AGAP3: variants seen among roughly 807,000 people sequenced by gnomAD.
AGAP3 encodes arf-GAP with GTPase, ANK repeat and PH domain-containing protein 3.
Under a neutral mutation model 96.9 loss-of-function variants are expected in AGAP3, and 24 were observed. The ratio of observed to expected loss-of-function variants is 0.25; its 90% CI spans 0.18 to 0.35. The LOEUF is 0.35. AGAP3 is among the 10% of genes least tolerant of loss of function. The probability of loss-of-function intolerance (pLI) is 1.00; values close to 1 mark genes in which losing one functional copy is unlikely to be tolerated. For missense variants in AGAP3, 876 were observed against 1,254.2 expected, an observed-to-expected ratio of 0.70 and a Z score of 4.55; for synonymous variants, 563 against 536.1, an observed-to-expected ratio of 1.05 and a Z score of -0.69.
chr7:151,093,972 C>G (rs1798499091), intron 1 of AGAP3, among the ~76,000 whole-genome samples: 1 of 152,122 alleles, frequency 6.6e-6, no homozygotes, highest in African/African-American at 2.4e-5. Context: ...AGCTGGGGTC[C>G]CTGAGATCTG....
chr7:151,111,570 A>AC (rs1240713007), intron 1 of AGAP3, among the ~76,000 whole-genome samples: 4 of 146,236 alleles, frequency 2.7e-5, no homozygotes, highest in Admixed American at 6.8e-5. Context: ...CCCCGTCATG[A>AC]CCCCCCCGGC....
chr7:151,122,491 G>C (rs942192162), intron 8 of AGAP3, among the ~76,000 whole-genome samples: 77 of 151,448 alleles, frequency 5.1e-4, no homozygotes, highest in African/African-American at 1.9e-3. Flanking sequence ...CTGCCCAGCA[G>C]GTGCCGCTGC....
intron 1 of AGAP3, among the ~76,000 whole-genome samples, chr7:151,091,729 G>A (rs1033399869): frequency 2.0e-5 from 3 of 152,220 alleles, no homozygotes; most frequent in Non-Finnish European, 2.9e-5. Flanking sequence ...GCATGGCCTC[G>A]TGGGAACCCC....
intron 1 of AGAP3, chr7:151,090,194 G>A (rs1175042730): frequency 6.6e-6 from 1 of 152,020 alleles, no homozygotes; most frequent in Non-Finnish European, 1.5e-5. Flanking sequence ...GGAGGAGCAG[G>A]GGCTTGGGGA....
At chr7:151,120,677 G>A in intron 8 of AGAP3, 1 of 1,266,510 alleles carries the variant, frequency 7.9e-7, no homozygotes, top group South Asian at 1.3e-5. Context: ...CCACCGCTGT[G>A]ATTGGTTTAA....
chr7:151,099,223 GT>G (rs1195279426), intron 1 of AGAP3, among the ~76,000 whole-genome samples: 1 of 151,388 alleles, frequency 6.6e-6, no homozygotes, highest in African/African-American at 2.4e-5. Context: ...GGCGCCTGTA[GT>G]CCCAGCTACT....
At chr7:151,097,643 G>A (rs1192488324) in intron 1 of AGAP3, among the ~76,000 whole-genome samples, 1 of 152,044 alleles carries the variant, frequency 6.6e-6, no homozygotes. Flanking sequence ...TTTTACGGGT[G>A]GCAGAAAGCA....
intron 9 of AGAP3, among the ~76,000 whole-genome samples, chr7:151,127,416 C>T (rs941667571): frequency 6.6e-6 from 1 of 152,194 alleles, no homozygotes; most frequent in Non-Finnish European, 1.5e-5. Flanking sequence ...GGGTGCTGCC[C>T]CTTCCGCTCT....
chr7:151,117,970 G>A (rs1799678026), intron 5 of AGAP3, 193 bp downstream of exon 5: 3 of 906,576 alleles, frequency 3.3e-6, no homozygotes, highest in Non-Finnish European at 4.9e-6. Context: ...CTGTCCCTGT[G>A]ACTAGCAGGT....
In AGAP3 at chr7:151,104,242, G is replaced by C. The variant is rs77561494; in HGVS notation, c.332-12551G>C. Among the ~76,000 whole-genome samples, 1,375 of 152,274 alleles carry C rather than the reference G, an allele frequency of 9.0e-3. 14 individuals are homozygous for C. Among genetic ancestry groups the C allele is most frequent in the African/African-American group, 0.031 (1,267 of 41,532 alleles). ...TAAGTATTAGCCAGTGTTCTGTTAAGAGCAGCATCTTCCCACTCTTATCTT... is the reference window on the plus strand; with the variant it reads ...TAAGTATTAGCCAGTGTTCTGTTAACAGCAGCATCTTCCCACTCTTATCTT... On this transcript the variant is annotated intron_variant, in intron 1 of 17. Transcript: ENST00000397238.
Position 151,114,848 on chromosome 7 carries a change from C to T in AGAP3, c.332-1945C>T, listed in dbSNP as rs770459624. Reference sequence around the variant, plus strand: ...CTTGCCGCCGCGCCCACAGCGTCTGCGACTCGCTGGACCTGCACGGCGCCT... The same window carrying T: ...CTTGCCGCCGCGCCCACAGCGTCTGTGACTCGCTGGACCTGCACGGCGCCT... On this transcript the variant is annotated intron_variant, in intron 1 of 17. Transcript: ENST00000397238. This position sits in a 1 kb window ranked among gnomAD's most constrained non-coding sequence, Gnocchi z 4.4. 1.4e-4 allele frequency: 145 copies of T among 1,053,752 alleles called. No individual in the cohort carries two copies. In the Middle Eastern group the frequency reaches 2.3e-3, roughly 17 times the overall value. 65.3% of individuals were successfully genotyped at this position (1,053,752 alleles called of 1,614,324 possible).
chr7:151,116,685 T>C, intron 1 of AGAP3, 108 bp from the exon 2 acceptor site: 1 of 1,269,430 alleles, frequency 7.9e-7, no homozygotes, highest in Non-Finnish European at 1.1e-6. Flanking sequence ...GAAGCTGCTG[T>C]CCTCTGGCCT....
chr7:151,087,239 C>T (rs1009368201), intron 1 of AGAP3, 167 bp downstream of exon 1: 1 of 715,054 alleles, frequency 1.4e-6, no homozygotes, highest in South Asian at 1.8e-5. Flanking sequence ...CGGCGGGCAG[C>T]TTCGCCATAT....
chr7:151,117,919 T>C, intron 5 of AGAP3, 142 bp downstream of exon 5: 8 of 1,230,388 alleles, frequency 6.5e-6, no homozygotes, highest in Non-Finnish European at 7.7e-6. Flanking sequence ...GCACTCTCCG[T>C]GCTGCTCGTG....
intron 8 of AGAP3, among the ~76,000 whole-genome samples, chr7:151,122,037 G>T (rs562488094): frequency 4.6e-5 from 7 of 152,336 alleles, no homozygotes; most frequent in South Asian, 4.1e-4. Context: ...GTTCCTGTCC[G>T]CATGGGGAGG....
At chr7:151,092,993 T>G (rs373113154) in intron 1 of AGAP3, among the ~76,000 whole-genome samples, 11 of 152,192 alleles carry the variant, frequency 7.2e-5, no homozygotes, top group African/African-American at 2.4e-4. Context: ...TATAATTTTC[T>G]TCTGGACGTC....
At chr7:151,119,009 C>T (rs1213306656) in intron 7 of AGAP3, among the ~76,000 whole-genome samples, 1 of 152,248 alleles carries the variant, frequency 6.6e-6, no homozygotes, top group African/African-American at 2.4e-5. Context: ...AAGGCCTGCC[C>T]TGGCTGCAGC....
At chr7:151,119,608 C>G (rs985274897) in intron 7 of AGAP3, among the ~76,000 whole-genome samples, 6 of 152,338 alleles carry the variant, frequency 3.9e-5, no homozygotes, top group Admixed American at 3.3e-4. Flanking sequence ...GAGAGTTTGT[C>G]CGGGGTGACC....
intron 1 of AGAP3, among the ~76,000 whole-genome samples, chr7:151,092,262 T>G (rs1360701645): frequency 6.6e-6 from 1 of 152,108 alleles, no homozygotes; most frequent in East Asian, 1.9e-4. Context: ...GTACGCTTCT[T>G]GGAAAGCAGG....
Sources: gnomAD v4.1 joint callset for allele counts (sites outside exome capture counted in the v4.1 genomes callset) on GRCh38, gnomAD v4.1.1 for gene constraint, Gnocchi (gnomAD v3.1) non-coding constraint, MANE v1.5 for transcripts, NCBI Gene and HGNC (gene_info 2026-07-23, HGNC 2026-07-21) for gene names.